Variants in ZC3H3 observed in about 807,000 individuals in gnomAD.
The protein encoded by ZC3H3 is zinc finger CCCH domain-containing protein 3.
ZC3H3 carries 36 observed loss-of-function variants against 77.3 expected under a neutral mutation model. The observed-to-expected ratio is 0.47, with a 90% CI of 0.36 to 0.61. The LOEUF (loss-of-function observed/expected upper bound fraction) is 0.61, where lower values mean the gene tolerates loss of function less well. Ranked by LOEUF, ZC3H3 falls within the 20% of genes least tolerant of loss-of-function variation. ZC3H3 has a pLI of 0.00. For missense variants in ZC3H3, 1,331 were observed against 1,312.2 expected (o/e 1.01, Z -0.22); for synonymous variants, 626 against 555.2 (o/e 1.13, Z -1.79).
At chr8:143,509,622 C>A (rs1821811535) in intron 3 of ZC3H3, among the ~76,000 whole-genome samples, 1 of 152,238 alleles carries the variant, frequency 6.6e-6, no homozygotes, top group African/African-American at 2.4e-5. Flanking sequence ...GCCTGCTGCT[C>A]TGGGACGCAG....
chr8:143,539,064 G>GC lies in ZC3H3; in HGVS notation c.302dup (p.Gln102ProfsTer11), dbSNP rs760469533. Reference sequence around the variant, plus strand: ...CATGCTGCTGCGGGACAGGAGGCTGGCCCCCCCGGGCCCCGTGCAACGGCC... The same window carrying GC: ...CATGCTGCTGCGGGACAGGAGGCTGGCCCCCCCCGGGCCCCGTGCAACGGCC... On this transcript the variant is annotated frameshift_variant, in exon 2 of 12. Coordinates refer to ENST00000262577, the MANE Select transcript of ZC3H3 (RefSeq NM_015117.3). LOFTEE classifies it high-confidence loss of function. The GC allele has an allele frequency of 3.7e-6, 6 of 1,612,852 alleles. No individual in the cohort carries two copies. Among genetic ancestry groups the GC allele is most frequent in the Non-Finnish European group, 5.1e-6 (6 of 1,179,994 alleles).
At chr8:143,534,130 A>G (rs895054037) in intron 3 of ZC3H3, among the ~76,000 whole-genome samples, 3 of 152,064 alleles carry the variant, frequency 2.0e-5, no homozygotes, top group Non-Finnish European at 2.9e-5. Context: ...CAAAAAAATT[A>G]AAAATTAGCC....
At chr8:143,484,055 G>C (rs1041505085) in intron 4 of ZC3H3, among the ~76,000 whole-genome samples, 3 of 152,240 alleles carry the variant, frequency 2.0e-5, no homozygotes, top group Non-Finnish European at 4.4e-5. Context: ...GCGCCATGAG[G>C]GGAAAGAGCC....
At chr8:143,541,027 T>TG (rs1478096355) in intron 1 of ZC3H3, among the ~76,000 whole-genome samples, 1 of 152,174 alleles carries the variant, frequency 6.6e-6, no homozygotes, top group Non-Finnish European at 1.5e-5. Context: ...AGCCATGAAC[T>TG]AGTCCCAGCC....
At chr8:143,537,982 G>A (rs753030772) in intron 2 of ZC3H3, 21 bp downstream of exon 2, 16 of 1,577,056 alleles carry the variant, frequency 1.0e-5, no homozygotes, top group Admixed American at 7.0e-5. Context: ...ACACTCTACC[G>A]CAGCCGGCCG....
intron 3 of ZC3H3, among the ~76,000 whole-genome samples, chr8:143,532,034 G>T (rs1822628545): frequency 6.6e-6 from 1 of 152,262 alleles, no homozygotes; most frequent in African/African-American, 2.4e-5. Context: ...TAACTCAGGG[G>T]AGATGGGATC....
rs1024811862 is a variant in ZC3H3 at position 143,533,922 on chromosome 8, C to T, written c.1561+2335G>A. Among the ~76,000 whole-genome samples the T allele has an allele frequency of 9.9e-5, 15 of 152,164 alleles. No individual in the cohort carries two copies. The highest frequency in any genetic ancestry group is 2.4e-4 in the African/African-American group (10 of 41,534). On this transcript the variant is annotated intron_variant, in intron 3 of 11. Transcript: ENST00000262577. The surrounding 1 kb of genome is among the most constrained non-coding windows in gnomAD (Gnocchi z 4.0). ...AACTCCTGACCTCAGGTGATCCACC[C>T]GCCTCGGCCTCCCAGTGTGCTGGGA... is the stretch of plus-strand genomic sequence containing the variant.
rs370910000 is a variant in ZC3H3, at chr8:143,448,654, C to T, written c.2308-7534G>A. 4.6e-5 allele frequency among the ~76,000 whole-genome samples: 7 copies of T among 152,362 alleles called. No individual in the cohort carries two copies. The South Asian group carries it at 1.4e-3, about 32-fold the overall frequency. Reference sequence around the variant, plus strand: ...ATTTTCAAGAGCCAGCACTGAGTGCCTGCAGCTTTTCCAGGTGCATGGTGC... The same window carrying T: ...ATTTTCAAGAGCCAGCACTGAGTGCTTGCAGCTTTTCCAGGTGCATGGTGC... On this transcript the variant is annotated intron_variant, in intron 9 of 11. Coordinates refer to ENST00000262577, the MANE Select transcript of ZC3H3 (RefSeq NM_015117.3).
chr8:143,537,284 G>C (rs901350017), intron 2 of ZC3H3, among the ~76,000 whole-genome samples: 2 of 152,174 alleles, frequency 1.3e-5, no homozygotes, highest in African/African-American at 4.8e-5. Flanking sequence ...AAGGGGGCTG[G>C]GACCTAACAC....
In ZC3H3 at chr8:143,539,124, C is replaced by A. The variant is rs146214248; in HGVS notation, c.243G>T (p.Pro81=). 261 of 1,612,902 alleles carry A rather than the reference C, an allele frequency of 1.6e-4. No homozygotes were observed. The Middle Eastern group carries it at 2.5e-3, about 15-fold the overall frequency. ...RKKYSLVNRP[P]GPSDPPADHA... ...GGTCGGCAGGAGGGTCTGAGGGTCC[C>A]GGGGGCCGATTCACGAGGGAGTATT... The change falls in exon 2 of 12, where the codon CCG becomes CCT. Residue 81 remains proline (P), a synonymous_variant. Transcript: ENST00000262577.
rs368315 is a variant in ZC3H3 at position 143,480,277 on chromosome 8, A to C, written c.1716-4692T>G. ...CTGCCGGCATCCACAAGGCATGCCC[A>C]CGCACAGCCTGCCAGCTGCCAGGCT... On this transcript the variant is annotated intron_variant, in intron 4 of 11. Coordinates refer to ENST00000262577, the MANE Select transcript of ZC3H3 (RefSeq NM_015117.3). 8.4e-3 allele frequency among the ~76,000 whole-genome samples: 1,277 copies of C among 152,282 alleles called. 9 individuals carry two copies. The highest frequency in any genetic ancestry group is 0.029 in the African/African-American group (1,210 of 41,552).
intron 4 of ZC3H3, among the ~76,000 whole-genome samples, chr8:143,495,125 C>T (rs888666009): frequency 6.6e-5 from 10 of 152,180 alleles, no homozygotes; most frequent in Admixed American, 5.2e-4. Flanking sequence ...GAAAGAGCTG[C>T]ACAAGGACTC....
intron 4 of ZC3H3, among the ~76,000 whole-genome samples, chr8:143,490,809 G>A (rs1473819099): frequency 6.6e-6 from 1 of 152,162 alleles, no homozygotes; most frequent in African/African-American, 2.4e-5. Flanking sequence ...CAGCTACTCC[G>A]GAGGCTGAAG....
intron 3 of ZC3H3, among the ~76,000 whole-genome samples, chr8:143,513,610 CA>C (rs1398023031): frequency 3.9e-5 from 6 of 152,238 alleles, no homozygotes; most frequent in Non-Finnish European, 7.3e-5. Flanking sequence ...CAGACCGTGA[CA>C]TATGTCTGAG....
intron 9 of ZC3H3, among the ~76,000 whole-genome samples, chr8:143,449,017 C>A (rs1162463706): frequency 6.6e-6 from 1 of 152,220 alleles, no homozygotes. Flanking sequence ...CCCCTTTGAG[C>A]CACAGCTGGA....
intron 4 of ZC3H3, among the ~76,000 whole-genome samples, chr8:143,499,660 GCT>G (rs1251183209): frequency 1.3e-5 from 2 of 151,824 alleles, no homozygotes; most frequent in African/African-American, 4.9e-5. Flanking sequence ...GCCTCTCCAG[GCT>G]CTTTGTGTGA....
At chr8:143,446,096 G>T (rs1819857323) in intron 9 of ZC3H3, among the ~76,000 whole-genome samples, 1 of 152,082 alleles carries the variant, frequency 6.6e-6, no homozygotes, top group African/African-American at 2.4e-5. Context: ...CACACCCGCT[G>T]GAAACAATGG....
At chr8:143,439,260 G>A (rs1358869269) in intron 11 of ZC3H3, among the ~76,000 whole-genome samples, 1 of 152,220 alleles carries the variant, frequency 6.6e-6, no homozygotes, top group Non-Finnish European at 1.5e-5. Flanking sequence ...GCTGTGAACA[G>A]GAGGCGGCCC....
chr8:143,537,070 T>A (rs1437421174), intron 2 of ZC3H3, among the ~76,000 whole-genome samples: 1 of 152,052 alleles, frequency 6.6e-6, no homozygotes, highest in East Asian at 1.9e-4. Context: ...AGGGCACCAC[T>A]GTGTCTGATG....
Sources: allele counts gnomAD v4.1 joint callset (sites outside exome capture counted in the v4.1 genomes callset), GRCh38; gene constraint gnomAD v4.1.1; non-coding constraint Gnocchi (gnomAD v3.1); transcripts MANE v1.5; gene names NCBI Gene and HGNC (gene_info 2026-07-23, HGNC 2026-07-21).